Variants in INSR observed in about 807,000 individuals in gnomAD.
INSR encodes IR.
INSR carries 67 observed loss-of-function variants against 142.6 expected under a neutral mutation model. The ratio of observed to expected loss-of-function variants is 0.47; its 90% CI spans 0.39 to 0.58. The LOEUF (loss-of-function observed/expected upper bound fraction) is 0.58. INSR is among the 20% of genes least tolerant of loss of function. The pLI is 0.00. For synonymous variants in INSR, 756 were observed against 743.1 expected (o/e 1.02, Z -0.28); for missense variants, 1,248 against 1,833.2 (o/e 0.68, Z 5.83).
At chr19:7,175,864 A>G in intron 3 of INSR, among the ~76,000 whole-genome samples, 1 of 152,008 alleles carries the variant, frequency 6.6e-6, no homozygotes, top group East Asian at 1.9e-4. Context: ...AACATTGCCA[A>G]AAGTCCCCTG....
intron 10 of INSR, among the ~76,000 whole-genome samples, chr19:7,151,152 T>TTCTTTC (rs1293397690): frequency 1.9e-3 from 21 of 11,172 alleles, no homozygotes; most frequent in African/African-American, 2.4e-3. Context: ...TCTCTTTCCT[T>TTCTTTC]TCTTTCTTTC....
At chr19:7,189,022 T>C (rs1468270968) in intron 2 of INSR, among the ~76,000 whole-genome samples, 1 of 152,090 alleles carries the variant, frequency 6.6e-6, no homozygotes, top group African/African-American at 2.4e-5. Context: ...AGAAATTAAC[T>C]ACAGAGGGTA....
intron 19 of INSR, among the ~76,000 whole-genome samples, chr19:7,120,994 AT>A (rs1185663278): frequency 1.3e-5 from 2 of 149,802 alleles, no homozygotes; most frequent in Non-Finnish European, 3.0e-5. Flanking sequence ...AAGAAGCTAC[AT>A]TTTTCTTTTT....
chr19:7,199,460 C>T (rs62111427), intron 2 of INSR, among the ~76,000 whole-genome samples: 23,448 of 151,060 alleles, frequency 0.16, 2,662 homozygotes, highest in African/African-American at 0.32. Context: ...TGCAATGGAG[C>T]CATCATAGCT....
At chr19:7,224,564 G>A (rs1018448621) in intron 2 of INSR, among the ~76,000 whole-genome samples, 3 of 152,166 alleles carry the variant, frequency 2.0e-5, no homozygotes, top group Non-Finnish European at 4.4e-5. Context: ...CACTCCAGGT[G>A]ACCAAGCCAC....
At chr19:7,153,434 A>C (rs968934246) in intron 9 of INSR, among the ~76,000 whole-genome samples, 12 of 61,522 alleles carry the variant, frequency 2.0e-4, no homozygotes, top group East Asian at 5.5e-4. Context: ...ACACCACACA[A>C]ATCACACACA....
chr19:7,223,559 C>G (rs1456644323), intron 2 of INSR, among the ~76,000 whole-genome samples: 1 of 152,202 alleles, frequency 6.6e-6, no homozygotes, highest in Non-Finnish European at 1.5e-5. Context: ...TTTTGGCCTC[C>G]AGATATTGGC....
intron 19 of INSR, 44 bp downstream of exon 19, chr19:7,122,570 C>G: frequency 6.2e-7 from 1 of 1,610,820 alleles, no homozygotes; most frequent in Non-Finnish European, 8.5e-7. Context: ...GAAATCAAAC[C>G]TGGCCTGGGT....
intron 2 of INSR, among the ~76,000 whole-genome samples, chr19:7,232,961 C>T (rs1033400033): frequency 1.2e-4 from 19 of 152,170 alleles, no homozygotes; most frequent in African/African-American, 3.4e-4. Flanking sequence ...ATCCTCACAA[C>T]GAGCTTGTGA....
rs540589580 is a variant in INSR, at chr19:7,156,601, C to T, written c.2030-3674G>A. ...AGTCCCACCCCAGAGAATGATCCAA[C>T]GCCAGACAGAAAAAACACCAAGACA... On this transcript the variant is annotated intron_variant, in intron 9 of 21. Transcript: ENST00000302850. Among the ~76,000 whole-genome samples, 557 of 151,944 alleles carry T rather than the reference C, an allele frequency of 3.7e-3. 2 individuals carry two copies. Among genetic ancestry groups the T allele is most frequent in the Non-Finnish European group, 5.7e-3 (387 of 67,976 alleles).
intron 9 of INSR, 138 bp downstream of exon 9, chr19:7,162,894 A>T: frequency 1.3e-6 from 1 of 755,186 alleles, no homozygotes; most frequent in Non-Finnish European, 2.4e-6. Flanking sequence ...TTCATATGAG[A>T]TAGAATGGAG....
chr19:7,283,094 G>A (rs1368873061), intron 1 of INSR, among the ~76,000 whole-genome samples: 1 of 152,148 alleles, frequency 6.6e-6, no homozygotes, highest in East Asian at 1.9e-4. Context: ...TCAGGAGGCT[G>A]AGGTGGGAGG....
intron 8 of INSR, among the ~76,000 whole-genome samples, chr19:7,164,686 C>T (rs1973848504): frequency 6.8e-6 from 1 of 147,730 alleles, no homozygotes; most frequent in Non-Finnish European, 1.5e-5. Flanking sequence ...ATTCGCCAAT[C>T]GTGGTGGTGC....
At chr19:7,237,643 G>A (rs913129789) in intron 2 of INSR, among the ~76,000 whole-genome samples, 5 of 151,490 alleles carry the variant, frequency 3.3e-5, no homozygotes, top group Admixed American at 2.0e-4. Context: ...GTGAAATCCC[G>A]TCTCTATTTA....
intron 9 of INSR, among the ~76,000 whole-genome samples, chr19:7,157,280 T>G (rs1973619493): frequency 6.8e-6 from 1 of 147,716 alleles, no homozygotes; most frequent in African/African-American, 2.5e-5. Flanking sequence ...CGCCTGGCAT[T>G]TTTTTTGTAT....
At chr19:7,263,721 T>G (rs572002543) in intron 2 of INSR, among the ~76,000 whole-genome samples, 3 of 152,190 alleles carry the variant, frequency 2.0e-5, no homozygotes, top group East Asian at 3.9e-4. Flanking sequence ...AATTTTTAAT[T>G]CACTCAAAAC....
At chr19:7,129,103 G>A (rs1599878229) in intron 14 of INSR, 149 bp from the exon 15 acceptor site, 4 of 656,790 alleles carry the variant, frequency 6.1e-6, no homozygotes, top group Non-Finnish European at 8.2e-6. Context: ...TCCACATCCT[G>A]ATTTTCCAGC....
Position 7,267,867 on chromosome 19 carries a change from G to A in INSR, c.130C>T (p.Leu44Phe). The stretch of plus-strand genomic sequence containing the variant: ...TTCTCCAGCTCATGCAACCTAGTGA[G>A]GTTGTTCCGGATATCCATGCCGGGA... ...VCPGMDIRNN[L>F]TRLHELENCS... Residue 44 changes from leucine (L) to phenylalanine (F), a missense_variant, in exon 2 of 22, where the codon CTC (leucine) becomes TTC (phenylalanine). This residue lies in a region of INSR where 1,069 missense variants were observed against 1,654.0 expected (regional missense o/e 0.65). Transcript: ENST00000302850. The surrounding 1 kb of genome is among the most constrained non-coding windows in gnomAD (Gnocchi z 6.3). 1 of 1,614,038 alleles carries A rather than the reference G, an allele frequency of 6.2e-7. No individual in the cohort carries two copies. Among genetic ancestry groups the A allele is most frequent in the Non-Finnish European group, 8.5e-7 (1 of 1,179,998 alleles).
intron 2 of INSR, among the ~76,000 whole-genome samples, chr19:7,259,320 T>TA (rs1283367121): frequency 2.0e-5 from 3 of 151,808 alleles, no homozygotes; most frequent in Admixed American, 6.6e-5. Flanking sequence ...CTCCACTACT[T>TA]ACTACCCATG....
Sources: gnomAD v4.1 joint callset for allele counts (sites outside exome capture counted in the v4.1 genomes callset) on GRCh38, gnomAD v4.1.1 for gene constraint, gnomAD v4.1.1 regional missense constraint, Gnocchi (gnomAD v3.1) non-coding constraint, MANE v1.5 for transcripts, NCBI Gene and HGNC (gene_info 2026-07-23, HGNC 2026-07-21) for gene names.